METTL9: variants seen among roughly 807,000 people sequenced by gnomAD.
The protein encoded by METTL9 is methyltransferase 9, His-X-His N1(pi)-histidine.
A neutral mutation model predicts 36.0 loss-of-function variants in METTL9; 10 were observed. That is an observed-to-expected ratio of 0.28 (90% CI 0.17 to 0.47). The LOEUF (loss-of-function observed/expected upper bound fraction) is 0.47, where lower values mean the gene tolerates loss of function less well. Ranked by LOEUF, METTL9 falls within the 20% of genes least tolerant of loss-of-function variation. The probability of loss-of-function intolerance (pLI) is 0.99; values close to 1 mark genes in which losing one functional copy is unlikely to be tolerated. For synonymous variants in METTL9, 175 were observed against 149.7 expected (o/e 1.17, Z -1.23); for missense variants, 246 against 383.5 (o/e 0.64, Z 3.00).
chr16:21,618,335 G>A (rs2152894725), intron 3 of METTL9, among the ~76,000 whole-genome samples: 1 of 152,100 alleles, frequency 6.6e-6, no homozygotes, highest in African/African-American at 2.4e-5. Context: ...TCAGAATGTG[G>A]CATTCTCAAA....
chr16:21,636,916 G>A (rs1031008802), intron 4 of METTL9, among the ~76,000 whole-genome samples: 5 of 152,192 alleles, frequency 3.3e-5, no homozygotes, highest in Admixed American at 3.3e-4. Context: ...TCACCACTTG[G>A]CGATAGGTGA....
intron 4 of METTL9, 46 bp from the exon 5 acceptor site, chr16:21,655,181 C>CACTT: frequency 6.4e-7 from 1 of 1,556,992 alleles, no homozygotes; most frequent in Non-Finnish European, 8.8e-7. Flanking sequence ...CTCTTTAAAT[C>CACTT]ACTTGTTTGT....
At chr16:21,643,171 G>GA (rs760770473) in intron 4 of METTL9, 543 of 1,562,094 alleles carry the variant, frequency 3.5e-4, no homozygotes, top group Admixed American at 9.3e-4. Flanking sequence ...AGACAAATGA[G>GA]AAAAAAAAAT....
intron 4 of METTL9, chr16:21,640,915 C>A (rs965882847): frequency 6.6e-6 from 1 of 152,120 alleles, no homozygotes; most frequent in African/African-American, 2.4e-5. Context: ...GAAGTTACCT[C>A]TGTTTAACCT....
chr16:21,638,193 C>G (rs1966155647), intron 4 of METTL9, among the ~76,000 whole-genome samples: 1 of 152,094 alleles, frequency 6.6e-6, no homozygotes, highest in African/African-American at 2.4e-5. Flanking sequence ...TGGCAGATGC[C>G]TATAATCCCA....
Position 21,612,650 on chromosome 16 carries a change from T to G in METTL9, c.171T>G (p.Tyr57Ter). The G allele has an allele frequency of 7.1e-7, 1 of 1,411,366 alleles. No individual in the cohort carries two copies. Among genetic ancestry groups the G allele is most frequent in the Non-Finnish European group, 9.3e-7 (1 of 1,079,384 alleles). The allele number at this position is 1,411,366 out of a possible 1,614,324, so 87.4% of individuals were successfully genotyped here. ...AGGRKENHQW[Y>*]VCNREKLCES... ...TTTTTTTTTTTTTTTTTTAGTGGTATGTGTGCAACAGAGAGAAATTATGCG... is the reference window on the plus strand; with the variant it reads ...TTTTTTTTTTTTTTTTTTAGTGGTAGGTGTGCAACAGAGAGAAATTATGCG... The change falls in exon 2 of 5, where the codon TAT becomes TAG. Residue 57 changes from tyrosine to a stop codon, truncating the protein, a stop_gained. Coordinates refer to ENST00000358154, the MANE Select transcript of METTL9 (RefSeq NM_016025.5). LOFTEE classifies it high-confidence loss of function.
At chr16:21,622,006 C>T (rs910913591) in intron 3 of METTL9, among the ~76,000 whole-genome samples, 1 of 151,234 alleles carries the variant, frequency 6.6e-6, no homozygotes, top group Non-Finnish European at 1.5e-5. Context: ...CCACGCCCAG[C>T]TAAGTTTTTG....
chr16:21,652,517 GA>G, intron 4 of METTL9: 1 of 1,598,896 alleles, frequency 6.3e-7, no homozygotes. Flanking sequence ...AGGAGGAGAA[GA>G]AAAAGAACCT....
intron 4 of METTL9, chr16:21,643,586 G>A: frequency 6.2e-7 from 1 of 1,606,162 alleles, no homozygotes. Context: ...TTTCTTAGAG[G>A]GTTGGATTTT....
chr16:21,602,218 T>C (rs758976038), intron 1 of METTL9, among the ~76,000 whole-genome samples: 17 of 152,224 alleles, frequency 1.1e-4, no homozygotes, highest in South Asian at 4.1e-4. Flanking sequence ...GTGGATTTGA[T>C]TGAACCATAC....
intron 3 of METTL9, among the ~76,000 whole-genome samples, chr16:21,623,911 C>T (rs1021563186): frequency 3.1e-4 from 47 of 152,124 alleles, no homozygotes; most frequent in African/African-American, 1.1e-3. Context: ...GCTGGGATTA[C>T]AGGCACGCGC....
upstream of METTL9, chr16:21,599,378 A>C (rs563817561): frequency 1.8e-5 from 19 of 1,054,416 alleles, no homozygotes; most frequent in African/African-American, 2.9e-4. The surrounding 1 kb of genome is among the most constrained non-coding windows in gnomAD (Gnocchi z 4.4). Context: ...GGGCCGGGAC[A>C]CGAGAACGCG....
chr16:21,640,827 T>C lies in METTL9; in HGVS notation c.752-14400T>C, dbSNP rs967908516. ...ATTACAAACGTGCTTGTAAAGTAGA[T>C]GTGTTGCCCACATCTTCCCTGGTGC... On this transcript the variant is annotated intron_variant, in intron 4 of 4. Transcript: ENST00000358154. 6 of 151,160 alleles carry C rather than the reference T, an allele frequency of 4.0e-5. No individual in the cohort carries two copies. In the East Asian group the frequency reaches 9.7e-4, roughly 25 times the overall value. 9.4% of individuals were successfully genotyped at this position (151,160 alleles called of 1,614,324 possible).
At position 21,655,442 on chromosome 16, in the gene METTL9, G is replaced by A. The variant is rs776603577; in HGVS notation, c.*10G>A. On this transcript the variant is annotated 3_prime_UTR_variant, in exon 5 of 5. Transcript: ENST00000358154. ...TCTCAAACCAGTATAAACACGTGGA[G>A]GTCGAAGTCTTCAGAGTCCGCACCC... is the stretch of plus-strand genomic sequence containing the variant. 1.2e-5 allele frequency: 19 copies of A among 1,610,956 alleles called. No homozygotes were observed. Among genetic ancestry groups the A allele is most frequent in the Middle Eastern group, 1.7e-4 (1 of 6,054 alleles).
At chr16:21,635,113 A>G (rs1465240261) in intron 4 of METTL9, among the ~76,000 whole-genome samples, 2 of 152,184 alleles carry the variant, frequency 1.3e-5, no homozygotes, top group African/African-American at 4.8e-5. Flanking sequence ...TAACAGTAGC[A>G]TGACATCTCT....
At chr16:21,638,845 C>T (rs942458409) in intron 4 of METTL9, among the ~76,000 whole-genome samples, 2 of 152,022 alleles carry the variant, frequency 1.3e-5, no homozygotes, top group Admixed American at 6.6e-5. Flanking sequence ...CAGTATGACC[C>T]GAGGATAGTT....
intron 4 of METTL9, chr16:21,644,509 G>T: frequency 2.9e-6 from 2 of 687,360 alleles, no homozygotes; most frequent in Non-Finnish European, 5.0e-6. Context: ...AACTTACTCT[G>T]CTTGCCTATT....
chr16:21,648,369 T>C (rs1037196029), intron 4 of METTL9, among the ~76,000 whole-genome samples: 6 of 152,182 alleles, frequency 3.9e-5, no homozygotes, highest in African/African-American at 1.4e-4. Context: ...TAGTGTGACG[T>C]TCAAGATGAT....
Position 21,605,257 on chromosome 16 carries a change from C to CTTTTTTTTTTTTTTTTTTTTTT in METTL9, c.165+5377_165+5398dup, listed in dbSNP as rs3046231. Among the ~76,000 whole-genome samples the CTTTTTTTTTTTTTTTTTTTTTT allele has an allele frequency of 3.5e-4, 18 of 51,236 alleles. 6 individuals are homozygous for CTTTTTTTTTTTTTTTTTTTTTT. Among genetic ancestry groups the CTTTTTTTTTTTTTTTTTTTTTT allele is most frequent in the East Asian group, 7.0e-4 (1 of 1,422 alleles). 33.6% of individuals were successfully genotyped at this position (51,236 alleles called of 152,430 possible). ...GGGGTGGTAAAAATAGGCTTGCCTT[C>CTTTTTTTTTTTTTTTTTTTTTT]TTTTTTTTTTTTTTTTTTTTTTTTT... On this transcript the variant is annotated intron_variant, in intron 1 of 4. Transcript: ENST00000358154.
Sources: allele counts gnomAD v4.1 joint callset (sites outside exome capture counted in the v4.1 genomes callset), GRCh38; gene constraint gnomAD v4.1.1; non-coding constraint Gnocchi (gnomAD v3.1); transcripts MANE v1.5; gene names NCBI Gene and HGNC (gene_info 2026-07-23, HGNC 2026-07-21).